Variants in KIAA1217 observed in about 807,000 individuals in gnomAD.
KIAA1217 encodes the protein KIAA1217.
Under a neutral mutation model 163.9 loss-of-function variants are expected in KIAA1217, and 88 were observed. The observed-to-expected ratio is 0.54, with a 90% confidence interval of 0.45 to 0.64. The LOEUF (loss-of-function observed/expected upper bound fraction) is 0.64, where lower values mean the gene tolerates loss of function less well. KIAA1217 is among the 30% of genes least tolerant of loss of function. The probability of loss-of-function intolerance (pLI) is 0.00; values close to 1 mark genes in which losing one functional copy is unlikely to be tolerated. For missense variants in KIAA1217, 2,372 were observed against 2,475.0 expected (o/e 0.96, Z 0.88); for synonymous variants, 903 against 923.1 (o/e 0.98, Z 0.39).
At chr10:23,755,819 G>A (rs1833892784) in intron 1 of KIAA1217, among the ~76,000 whole-genome samples, 1 of 152,038 alleles carries the variant, frequency 6.6e-6, no homozygotes, top group Non-Finnish European at 1.5e-5. Context: ...TCATGTTCAG[G>A]ATTGTGAACC....
chr10:24,062,461 C>T, intron 2 of KIAA1217, among the ~76,000 whole-genome samples: 1 of 151,734 alleles, frequency 6.6e-6, no homozygotes, highest in Non-Finnish European at 1.5e-5. Flanking sequence ...CTACAAAGGA[C>T]ATGAATTCAT....
intron 2 of KIAA1217, among the ~76,000 whole-genome samples, chr10:24,246,737 G>T (rs760542870): frequency 1.3e-5 from 2 of 152,172 alleles, no homozygotes; most frequent in Non-Finnish European, 2.9e-5. Context: ...TAAAACTTAT[G>T]CTGGGTTTGC....
At chr10:24,310,913 C>T (rs527775449) in intron 2 of KIAA1217, among the ~76,000 whole-genome samples, 1 of 152,084 alleles carries the variant, frequency 6.6e-6, no homozygotes, top group East Asian at 1.9e-4. Context: ...TGGAGGATCA[C>T]GTGAGCCTGA....
intron 2 of KIAA1217, among the ~76,000 whole-genome samples, chr10:24,017,790 G>T (rs1446098310): frequency 6.6e-6 from 1 of 152,024 alleles, no homozygotes; most frequent in Non-Finnish European, 1.5e-5. Context: ...CCCAGACCTG[G>T]GTTCCAAAGG....
chr10:24,131,886 G>C (rs747739841), intron 2 of KIAA1217, among the ~76,000 whole-genome samples: 2 of 152,158 alleles, frequency 1.3e-5, no homozygotes, highest in Non-Finnish European at 2.9e-5. Flanking sequence ...TGTATCATTA[G>C]AGTCTAGCCC....
chr10:24,217,332 C>G (rs1425229450), intron 1 of KIAA1217, among the ~76,000 whole-genome samples: 1 of 152,104 alleles, frequency 6.6e-6, no homozygotes, highest in Non-Finnish European at 1.5e-5. Context: ...TCTTTTAAAC[C>G]AATAGTTCCA....
At chr10:24,269,232 A>AAAAG (rs2076547766) in intron 2 of KIAA1217, among the ~76,000 whole-genome samples, 1 of 150,858 alleles carries the variant, frequency 6.6e-6, no homozygotes, top group African/African-American at 2.4e-5. Context: ...AAAAAAAAAA[A>AAAAG]AGGATTGTGG....
chr10:24,290,716 C>T (rs905961895), intron 2 of KIAA1217, among the ~76,000 whole-genome samples: 2 of 151,848 alleles, frequency 1.3e-5, no homozygotes, highest in African/African-American at 4.8e-5. Context: ...GATTCTCCTG[C>T]CTCAGCCTCC....
At chr10:23,809,978 G>C (rs1328553896) in intron 1 of KIAA1217, among the ~76,000 whole-genome samples, 2 of 151,842 alleles carry the variant, frequency 1.3e-5, no homozygotes, top group Admixed American at 6.6e-5. Flanking sequence ...GTATAGTATT[G>C]AATAAATTAC....
chr10:24,134,170 C>A (rs1020705643), intron 2 of KIAA1217, among the ~76,000 whole-genome samples: 1 of 152,088 alleles, frequency 6.6e-6, no homozygotes, highest in Admixed American at 6.5e-5. Flanking sequence ...GTGTATGCAC[C>A]AGACCTTAAA....
chr10:23,908,029 C>T (rs1842244883), intron 1 of KIAA1217, among the ~76,000 whole-genome samples: 1 of 152,010 alleles, frequency 6.6e-6, no homozygotes, highest in Non-Finnish European at 1.5e-5. Context: ...GATAATGAAT[C>T]TCTAAAGAGT....
At chr10:24,255,592 G>A (rs748231382) in intron 2 of KIAA1217, 19 of 454,908 alleles carry the variant, frequency 4.2e-5, no homozygotes, top group Non-Finnish European at 8.0e-5. Flanking sequence ...GCAGACAGGA[G>A]CAAGGTACAG....
intron 1 of KIAA1217, among the ~76,000 whole-genome samples, chr10:23,809,493 G>T (rs1836889315): frequency 6.6e-6 from 1 of 151,764 alleles, no homozygotes; most frequent in African/African-American, 2.4e-5. Context: ...ATTCAATAAA[G>T]TGAGGTAAGA....
Position 24,473,367 on chromosome 10 carries a change from G to A in KIAA1217, c.986G>A (p.Arg329Lys). ...VPHSMPPSPSRIPYGGTRSMV... is the reference protein window; with the variant it reads ...VPHSMPPSPSKIPYGGTRSMV... ...CATTCCATGCCCCCCTCCCCGTCCA[G>A]AATTCCTTATGGGGGCACCCGCTCC... The change falls in exon 6 of 21, where the codon AGA becomes AAA. Residue 329 changes from arginine to lysine, a missense_variant. Arg to Lys is a conservative substitution (Grantham distance 26). Coordinates refer to ENST00000376454, the MANE Select transcript of KIAA1217 (RefSeq NM_019590.5). 1 of 1,608,674 alleles carries A rather than the reference G, an allele frequency of 6.2e-7. No homozygotes were observed. The highest frequency in any genetic ancestry group is 8.5e-7 in the Non-Finnish European group (1 of 1,176,870).
intron 1 of KIAA1217, among the ~76,000 whole-genome samples, chr10:23,795,802 A>G (rs188485821): frequency 7.9e-5 from 12 of 152,222 alleles, no homozygotes; most frequent in Middle Eastern, 3.4e-3. Context: ...AGCAATTGGC[A>G]TTTTTCATCT....
intron 2 of KIAA1217, among the ~76,000 whole-genome samples, chr10:24,041,015 C>T (rs530830205): frequency 5.3e-5 from 8 of 152,310 alleles, no homozygotes; most frequent in South Asian, 2.1e-4. Context: ...CTCCTGTTCC[C>T]GTTGATTCCA....
At chr10:24,439,415 A>C (rs1363138210) in intron 5 of KIAA1217, among the ~76,000 whole-genome samples, 5 of 152,190 alleles carry the variant, frequency 3.3e-5, no homozygotes, top group Non-Finnish European at 7.3e-5. Context: ...AAACCCAGGC[A>C]CTGTTCTGTC....
At position 24,473,866 on chromosome 10, in the gene KIAA1217, C is replaced by G. The variant is rs1174112800; in HGVS notation, c.1485C>G (p.Pro495=). 3.7e-6 allele frequency: 6 copies of G among 1,614,140 alleles called. No homozygotes were observed. In the East Asian group the frequency reaches 8.9e-5, roughly 24 times the overall value. ...DMHAHYNAHG[P]PHTMQPDRAS... ...ACGCTCACTATAATGCCCACGGCCC[C>G]CCTCACACCATGCAGCCAGACCGGG... is the stretch of plus-strand genomic sequence containing the variant. The change falls in exon 6 of 21, where the codon CCC becomes CCG. Residue 495 remains proline (P), a synonymous_variant. Transcript: ENST00000376454.
intron 1 of KIAA1217, among the ~76,000 whole-genome samples, chr10:23,932,844 C>T (rs1205291136): frequency 6.6e-6 from 1 of 152,100 alleles, no homozygotes; most frequent in Non-Finnish European, 1.5e-5. Context: ...TAAATTCCTA[C>T]TTGGGATAAT....
Sources: gnomAD v4.1 joint callset for allele counts (sites outside exome capture counted in the v4.1 genomes callset) on GRCh38, gnomAD v4.1.1 for gene constraint, MANE v1.5 for transcripts, NCBI Gene and HGNC (gene_info 2026-07-23, HGNC 2026-07-21) for gene names.